The following MEF2C variants were observed in gnomAD, a reference collection of about 807,000 sequenced individuals.
MEF2C encodes myocyte-specific enhancer factor 2C.
MEF2C carries 6 observed loss-of-function variants against 50.5 expected under a neutral mutation model. The observed-to-expected ratio is 0.12, with a 90% CI of 0.07 to 0.23. The LOEUF (loss-of-function observed/expected upper bound fraction) is 0.23. Among genes scored for constraint, MEF2C ranks in the 10% least tolerant of loss-of-function variants. MEF2C has a pLI of 1.00. For synonymous variants in MEF2C, 183 were observed against 228.0 expected, an observed-to-expected ratio of 0.80 and a Z score of 1.78; for missense variants, 276 against 605.0, an observed-to-expected ratio of 0.46 and a Z score of 5.70.
At chr5:88,802,247 A>T (rs244756) in intron 3 of MEF2C, among the ~76,000 whole-genome samples, 59,518 of 152,124 alleles carry the variant, frequency 0.39, 12,655 homozygotes, top group African/African-American at 0.54. Flanking sequence ...CAATGCCTTC[A>T]TTTTTGAGAT....
intron 1 of MEF2C, among the ~76,000 whole-genome samples, chr5:88,831,379 T>C (rs970790136): frequency 2.6e-5 from 4 of 151,734 alleles, no homozygotes; most frequent in African/African-American, 9.7e-5. Flanking sequence ...TAAAAGGACG[T>C]TCTCAGTAAA....
chr5:88,860,062 G>T (rs1364985188), intron 1 of MEF2C, among the ~76,000 whole-genome samples: 1 of 151,986 alleles, frequency 6.6e-6, no homozygotes, highest in Non-Finnish European at 1.5e-5. Context: ...CATTTTTATG[G>T]CCAATTCAGC....
intron 3 of MEF2C, among the ~76,000 whole-genome samples, chr5:88,803,695 C>T (rs950047735): frequency 1.3e-5 from 2 of 152,078 alleles, no homozygotes; most frequent in Non-Finnish European, 2.9e-5. Context: ...AAGGGTACTA[C>T]AAAGTATTTA....
chr5:88,798,699 A>C (rs1366349189), intron 3 of MEF2C, among the ~76,000 whole-genome samples: 1 of 152,064 alleles, frequency 6.6e-6, no homozygotes, highest in East Asian at 1.9e-4. Context: ...AGGAGTTGTG[A>C]TCCTTTGGAG....
At chr5:88,750,043 T>A in intron 5 of MEF2C, 3 of 451,658 alleles carry the variant, frequency 6.6e-6, no homozygotes, top group South Asian at 9.5e-5. Context: ...AAAAAAAAAA[T>A]TACTTTTAGT....
chr5:88,809,797 C>T (rs700591), intron 2 of MEF2C, among the ~76,000 whole-genome samples: 76,105 of 151,886 alleles, frequency 0.5, 20,503 homozygotes, highest in African/African-American at 0.69. Flanking sequence ...TGGTATTACT[C>T]CCATCTCTCC....
At chr5:88,904,051 T>A (rs1422601499) in exon 1 of MEF2C, 1 of 151,148 alleles carries the variant, frequency 6.6e-6, no homozygotes, top group Non-Finnish European at 1.5e-5. Context: ...ACCCCCCAGT[T>A]TGGGCTGCGT....
chr5:88,864,798 GCT>G lies in MEF2C; in HGVS notation c.-143+18155_-143+18156del, dbSNP rs756262319. Among the ~76,000 whole-genome samples, 363 of 146,918 alleles carry G rather than the reference GCT, an allele frequency of 2.5e-3. 1 individual carries two copies. The highest frequency in any genetic ancestry group is 3.2e-3 in the Non-Finnish European group (217 of 67,208). ...TTTTTTTTTTTTGAGATGGAGTTTCGCTCTGTCGCCTAGGCCGGAGTGCAATG... is the reference window on the plus strand; with the variant it reads ...TTTTTTTTTTTTGAGATGGAGTTTCGCTGTCGCCTAGGCCGGAGTGCAATG... On this transcript the variant is annotated intron_variant, in intron 1 of 10. Coordinates refer to ENST00000504921, the MANE Select transcript of MEF2C (RefSeq NM_002397.5).
At chr5:88,846,800 TCA>T (rs1265806812) in intron 1 of MEF2C, among the ~76,000 whole-genome samples, 66 of 152,372 alleles carry the variant, frequency 4.3e-4, no homozygotes, top group Non-Finnish European at 3.5e-4. Context: ...TGGAAGAGTT[TCA>T]TTCCACCAAC....
At chr5:88,895,895 C>A (rs1835072627) in intron 1 of MEF2C, among the ~76,000 whole-genome samples, 1 of 152,202 alleles carries the variant, frequency 6.6e-6, no homozygotes, top group Non-Finnish European at 1.5e-5. Flanking sequence ...TATCATTGTG[C>A]AATCACTTTA....
chr5:88,769,916 G>A, intron 3 of MEF2C: 1 of 968,698 alleles, frequency 1.0e-6, no homozygotes, highest in Non-Finnish European at 1.2e-6. Context: ...AAAGTGCTAG[G>A]ATTATGGGCA....
At chr5:88,758,338 C>T (rs1049759944) in intron 4 of MEF2C, among the ~76,000 whole-genome samples, 17 of 152,206 alleles carry the variant, frequency 1.1e-4, no homozygotes, top group African/African-American at 3.4e-4. Context: ...GTTCCTCAGA[C>T]GGAGGTGTTT....
chr5:88,730,608 C>T (rs1008834736), intron 7 of MEF2C, among the ~76,000 whole-genome samples: 12 of 152,156 alleles, frequency 7.9e-5, no homozygotes, highest in Admixed American at 3.9e-4. Context: ...CCTGGGACAG[C>T]ATCAGTTTTA....
At chr5:88,885,581 A>G (rs1196109647), upstream of MEF2C, among the ~76,000 whole-genome samples, 2 of 152,240 alleles carry the variant, frequency 1.3e-5, no homozygotes, top group African/African-American at 4.8e-5. Context: ...GAACATCTGT[A>G]TCAGGTTTCC....
chr5:88,891,641 A>G (rs2150234570), intron 1 of MEF2C, among the ~76,000 whole-genome samples: 1 of 152,120 alleles, frequency 6.6e-6, no homozygotes, highest in Middle Eastern at 3.4e-3. Flanking sequence ...CGATCTCCTG[A>G]CCTCGTGATC....
At chr5:88,796,460 T>C (rs1796071923) in intron 3 of MEF2C, among the ~76,000 whole-genome samples, 1 of 152,218 alleles carries the variant, frequency 6.6e-6, no homozygotes, top group Non-Finnish European at 1.5e-5. Flanking sequence ...TGGTAGTTTG[T>C]ATTTCTGTGT....
rs767080935 is a variant in MEF2C, at chr5:88,718,514, T to C, written c.*4090A>G. ...TTACAAGCGATTTTAATTACTCTCA[T>C]TTAATGGAAACAAGTCCCCAGGAAA... On this transcript the variant is annotated 3_prime_UTR_variant, in exon 11 of 11. Transcript: ENST00000504921. The C allele has an allele frequency of 1.3e-5, 2 of 152,170 alleles. No homozygotes were observed. Among genetic ancestry groups the C allele is most frequent in the Non-Finnish European group, 2.9e-5 (2 of 68,044 alleles). The allele number at this position is 152,170 out of a possible 1,614,324, so 9.4% of individuals were successfully genotyped here.
chr5:88,888,099 A>G (rs1190801309), upstream of MEF2C: 1 of 152,260 alleles, frequency 6.6e-6, no homozygotes, highest in Non-Finnish European at 1.5e-5. Flanking sequence ...CCTAAAGGCC[A>G]ATTTAAAATA....
chr5:88,737,027 T>C (rs978789283), intron 6 of MEF2C: 2 of 985,108 alleles, frequency 2.0e-6, no homozygotes, highest in African/African-American at 3.5e-5. Context: ...ATACACAGAG[T>C]ACTAGTTCTT....
Sources: gnomAD v4.1 joint callset for allele counts (sites outside exome capture counted in the v4.1 genomes callset) on GRCh38, gnomAD v4.1.1 for gene constraint, MANE v1.5 for transcripts, NCBI Gene and HGNC (gene_info 2026-07-23, HGNC 2026-07-21) for gene names.